The following CARMIL3 variants were observed in gnomAD, a reference collection of about 807,000 sequenced individuals.
CARMIL3 encodes capping protein, Arp2/3 and myosin-I linker protein 3.
CARMIL3 carries 88 observed loss-of-function variants against 180.8 expected under a neutral mutation model. The observed-to-expected ratio is 0.49, with a 90% CI of 0.41 to 0.58. CARMIL3 has a LOEUF of 0.58. CARMIL3 is among the 20% of genes least tolerant of loss of function. The probability of loss-of-function intolerance (pLI) is 0.00; values close to 1 mark genes in which losing one functional copy is unlikely to be tolerated. For missense variants in CARMIL3, 1,548 were observed against 1,787.0 expected (o/e 0.87, Z 2.41); for synonymous variants, 696 against 714.5 (o/e 0.97, Z 0.41).
At position 24,059,924 on chromosome 14, in the gene CARMIL3, C is replaced by T. The variant is rs747883001; in HGVS notation, c.1869-46C>T. 1.9e-6 allele frequency: 3 copies of T among 1,604,476 alleles called. No individual in the cohort carries two copies. The Admixed American group carries it at 5.0e-5, about 27-fold the overall frequency. The stretch of plus-strand genomic sequence containing the variant: ...TCACCAACAGAGGAGGCAGGGGCCT[C>T]CCATCCTCACCTGTTCCCACCCAGC... On this transcript the variant is annotated intron_variant, in intron 22 of 39. Transcript: ENST00000342740. This position sits in a 1 kb window ranked among gnomAD's most constrained non-coding sequence, Gnocchi z 6.3.
At chr14:24,065,893 C>A in intron 34 of CARMIL3, 143 bp downstream of exon 34, 1 of 1,213,560 alleles carries the variant, frequency 8.2e-7, no homozygotes, top group Non-Finnish European at 1.1e-6. Context: ...CTTCAGCCCC[C>A]ACCACACACT....
At chr14:24,052,296 A>C (rs1056700151) in intron 1 of CARMIL3, 103 bp downstream of exon 1, 2 of 1,169,124 alleles carry the variant, frequency 1.7e-6, no homozygotes, top group African/African-American at 3.2e-5. Context: ...CACACCCCTC[A>C]CCCCATGCAT....
intron 12 of CARMIL3, 22 bp from the exon 13 acceptor site, chr14:24,056,893 G>A (rs1238799439): frequency 4.3e-6 from 7 of 1,612,636 alleles, no homozygotes; most frequent in Admixed American, 1.7e-5. Flanking sequence ...GGCCAACCCA[G>A]CCCAGTGCCC....
chr14:24,053,270 T>C (rs1263996695), intron 1 of CARMIL3, among the ~76,000 whole-genome samples: 1 of 151,566 alleles, frequency 6.6e-6, no homozygotes, highest in Non-Finnish European at 1.5e-5. Flanking sequence ...ATGCACACTC[T>C]CATAGTAAAG....
chr14:24,057,139 C>T lies in CARMIL3; in HGVS notation c.1063-28C>T, dbSNP rs776043718. 28 of 1,611,016 alleles carry T rather than the reference C, an allele frequency of 1.7e-5. No individual in the cohort carries two copies. In the Admixed American group the frequency reaches 4.3e-4, roughly 25 times the overall value. ...TGGCGAGACTCCATCATCCCTTCCC[C>T]TGCAACCCCTCTTCCTTCCTACTCC... On this transcript the variant is annotated intron_variant, in intron 13 of 39. Coordinates refer to ENST00000342740, the MANE Select transcript of CARMIL3 (RefSeq NM_138360.4).
rs753302226 is a variant in CARMIL3, at chr14:24,063,201, C to T, written c.2770+18C>T. 8.7e-6 allele frequency: 14 copies of T among 1,611,334 alleles called. No homozygotes were observed. Among genetic ancestry groups the T allele is most frequent in the Non-Finnish European group, 1.2e-5 (14 of 1,177,780 alleles). ...CTTCATCAGTGAGTCTCCCAGCCTC[C>T]GTTCTCATGGACTCCAGACTCCCGC... On this transcript the variant is annotated intron_variant, in intron 30 of 39. Coordinates refer to ENST00000342740, the MANE Select transcript of CARMIL3 (RefSeq NM_138360.4).
rs751812193 is a variant in CARMIL3, at chr14:24,059,301, G to C, written c.1658G>C (p.Arg553Pro). 2 of 1,613,888 alleles carry C rather than the reference G, an allele frequency of 1.2e-6. No homozygotes were observed. The highest frequency in any genetic ancestry group is 1.7e-5 in the Admixed American group (1 of 60,022). Residue 553 changes from arginine to proline, a missense_variant, in exon 21 of 40, where the codon CGG becomes CCG. Arg to Pro is a moderately radical substitution (Grantham distance 103). Around this residue, in one of 4 missense-constraint regions of CARMIL3, gnomAD observed 297 missense variants for 415.9 expected, o/e 0.71. Transcript: ENST00000342740. This position sits in a 1 kb window ranked among gnomAD's most constrained non-coding sequence, Gnocchi z 6.3. Reference protein sequence around the residue: ...SLQSLSVADSRLKLRTSILIN... With the variant: ...SLQSLSVADSPLKLRTSILIN... ...CAGTCACTGTCGGTGGCAGACTCCC[G>C]GCTGAAGCTTCGCACCAGCATCCTC...
intron 29 of CARMIL3, 40 bp from the exon 30 acceptor site, chr14:24,063,080 G>T (rs757053636): frequency 1.2e-6 from 2 of 1,604,690 alleles, no homozygotes; most frequent in Admixed American, 3.3e-5. Context: ...ATGGCTCTGG[G>T]TGAGGTGCCT....
chr14:24,060,032 C>A lies in CARMIL3; in HGVS notation c.1931C>A (p.Ala644Glu). Reference protein sequence around the residue: ...VSDISQAYRSAPERTEDVWQK... With the variant: ...VSDISQAYRSEPERTEDVWQK... ...GACATCTCCCAAGCCTATCGCAGCG[C>A]GCCTGAGCGCACCGAGGACGTCTGG... Residue 644 changes from alanine (A) to glutamate (E), a missense_variant, in exon 23 of 40, where the codon GCG becomes GAG. Transcript: ENST00000342740. The A allele has an allele frequency of 1.2e-6, 2 of 1,614,002 alleles. No individual in the cohort carries two copies. The highest frequency in any genetic ancestry group is 1.7e-6 in the Non-Finnish European group (2 of 1,180,040).
intron 34 of CARMIL3, 82 bp from the exon 35 acceptor site, chr14:24,066,316 G>A: frequency 2.0e-6 from 3 of 1,482,452 alleles, no homozygotes; most frequent in Non-Finnish European, 2.8e-6. Context: ...ATGACATGGA[G>A]ATGCTAGAGC....
chr14:24,056,725 CCCCTGACCTCTGACCCTA>C lies in CARMIL3; in HGVS notation c.952+23_952+40del. The C allele has an allele frequency of 6.2e-7, 1 of 1,610,560 alleles. No individual in the cohort carries two copies. On this transcript the variant is annotated intron_variant, in intron 12 of 39. Transcript: ENST00000342740. ...CCCCTCGAGGTACTCGCACCAAGGA[CCCCTGACCTCTGACCCTA>C]CCCTGGTGCTGCCTGGGGTGTTGAG... is the stretch of plus-strand genomic sequence containing the variant.
At position 24,063,489 on chromosome 14, in the gene CARMIL3, C is replaced by G. The variant is rs1216113645; in HGVS notation, c.2935C>G (p.Pro979Ala). ...ACTAAGGCATCAAACACAAGGGAGG[C>G]CCCGCCCCCCCAGGACCACACCTCC... is the stretch of plus-strand genomic sequence containing the variant. Reference protein sequence around the residue: ...YKLRHQTQGRPRPPRTTPPGP... With the variant: ...YKLRHQTQGRARPPRTTPPGP... The change falls in exon 31 of 40, where the codon CCC becomes GCC. Residue 979 changes from proline to alanine, a missense_variant. By Grantham distance (27) the Pro-to-Ala change is conservative. Coordinates refer to ENST00000342740, the MANE Select transcript of CARMIL3 (RefSeq NM_138360.4). 1 of 1,613,446 alleles carries G rather than the reference C, an allele frequency of 6.2e-7. No individual in the cohort carries two copies. The highest frequency in any genetic ancestry group is 1.7e-5 in the Admixed American group (1 of 60,000).
At chr14:24,055,368 C>T (rs2035661760) in intron 8 of CARMIL3, 58 bp downstream of exon 8, 17 of 1,589,582 alleles carry the variant, frequency 1.1e-5, no homozygotes, top group Non-Finnish European at 1.4e-5. Context: ...CCAACCCCAG[C>T]CCTTCCCAGG....
intron 1 of CARMIL3, among the ~76,000 whole-genome samples, chr14:24,052,774 G>A (rs1190923516): frequency 1.3e-5 from 2 of 152,154 alleles, no homozygotes; most frequent in Admixed American, 6.5e-5. Context: ...CCACAGCCCC[G>A]TCCCAGCCTG....
rs370288899 is a variant in CARMIL3 at position 24,059,473 on chromosome 14, G to A, written c.1799+31G>A. The A allele has an allele frequency of 1.4e-5, 22 of 1,550,992 alleles. No homozygotes were observed. The African/African-American group carries it at 2.5e-4, about 17-fold the overall frequency. On this transcript the variant is annotated intron_variant, in intron 21 of 39. Transcript: ENST00000342740. This position sits in a 1 kb window ranked among gnomAD's most constrained non-coding sequence, Gnocchi z 6.3. ...GCCCACACCGGGACCCCCTGACCTGGAGCCCCAGCCCCTCCCCATATGTAC... is the reference window on the plus strand; with the variant it reads ...GCCCACACCGGGACCCCCTGACCTGAAGCCCCAGCCCCTCCCCATATGTAC...
At chr14:24,057,332 C>A in intron 14 of CARMIL3, 88 bp downstream of exon 14, 1 of 1,213,910 alleles carries the variant, frequency 8.2e-7, no homozygotes, top group Non-Finnish European at 1.2e-6. Flanking sequence ...CCTGAGTACA[C>A]AGGCGGGCAG....
In CARMIL3 at chr14:24,069,526, C is replaced by G; in HGVS notation, c.*122C>G. 1 of 1,321,736 alleles carries G rather than the reference C, an allele frequency of 7.6e-7. No homozygotes were observed. Among genetic ancestry groups the G allele is most frequent in the Non-Finnish European group, 1.1e-6 (1 of 947,260 alleles). 81.9% of individuals were successfully genotyped at this position (1,321,736 alleles called of 1,614,324 possible). A position where few individuals can be genotyped will look rare whatever the true frequency, so the allele number is the denominator to read the frequency against. On this transcript the variant is annotated 3_prime_UTR_variant, in exon 40 of 40. Coordinates refer to ENST00000342740, the MANE Select transcript of CARMIL3 (RefSeq NM_138360.4). ...GTCCTACAGGGGCAAGACGGCAGGACCAGGCATGGGGGAGCTGGAGGCAGG... is the reference window on the plus strand; with the variant it reads ...GTCCTACAGGGGCAAGACGGCAGGAGCAGGCATGGGGGAGCTGGAGGCAGG...
At chr14:24,064,197 G>C (rs1416338080) in intron 31 of CARMIL3, 49 bp from the exon 32 acceptor site, 1 of 1,365,456 alleles carries the variant, frequency 7.3e-7, no homozygotes, top group South Asian at 1.2e-5. Context: ...ATGGGAGGTG[G>C]GGCTTCCTGA....
In CARMIL3 at chr14:24,061,733, T is replaced by G; in HGVS notation, c.2480+61T>G. ...ATTTGGCCCAGATCACTTAGGGACT[T>G]AGGACTGGAGAGCTATCAGCAATGA... On this transcript the variant is annotated intron_variant, in intron 27 of 39. Coordinates refer to ENST00000342740, the MANE Select transcript of CARMIL3 (RefSeq NM_138360.4). This position sits in a 1 kb window ranked among gnomAD's most constrained non-coding sequence, Gnocchi z 4.1. 1 of 1,542,810 alleles carries G rather than the reference T, an allele frequency of 6.5e-7. No homozygotes were observed. The highest frequency in any genetic ancestry group is 8.8e-7 in the Non-Finnish European group (1 of 1,131,000).
Sources: allele counts gnomAD v4.1 joint callset (sites outside exome capture counted in the v4.1 genomes callset), GRCh38; gene constraint gnomAD v4.1.1; regional missense constraint gnomAD v4.1.1; non-coding constraint Gnocchi (gnomAD v3.1); transcripts MANE v1.5; gene names NCBI Gene and HGNC (gene_info 2026-07-23, HGNC 2026-07-21).